YBEY: variants seen among roughly 807,000 people sequenced by gnomAD.
The protein encoded by YBEY is ybeY metalloendoribonuclease, also known as endoribonuclease YbeY.
In YBEY, 15 loss-of-function variants were observed where a neutral mutation model predicts 13.5. The ratio of observed to expected loss-of-function variants is 1.11; its 90% CI spans 0.75 to 1.72. YBEY has a LOEUF of 1.72. Among genes scored for constraint, YBEY ranks in the 40% most tolerant of loss-of-function variants. YBEY has a pLI of 0.00. For synonymous variants in YBEY, 101 were observed against 83.1 expected, an observed-to-expected ratio of 1.21 and a Z score of -1.17; for missense variants, 244 against 208.4, an observed-to-expected ratio of 1.17 and a Z score of -1.05.
At chr21:46,302,474 G>A (rs751853299), downstream of YBEY, 1 of 1,592,772 alleles carries the variant, frequency 6.3e-7, no homozygotes, top group Non-Finnish European at 8.6e-7. Context: ...TCTGCTGGGG[G>A]CTAAGCCTAC....
chr21:46,312,922 A>C, the YBEY span: 1 of 867,022 alleles, frequency 1.2e-6, no homozygotes, highest in Non-Finnish European at 1.4e-6. Context: ...CATGAAAATG[A>C]ACTTTGGTTT....
chr21:46,308,353 C>T, the YBEY span, among the ~76,000 whole-genome samples: 1 of 151,588 alleles, frequency 6.6e-6, no homozygotes, highest in South Asian at 2.1e-4. Flanking sequence ...CCCAGCTGCT[C>T]GGGAGGCTGA....
chr21:46,300,698 T>C, downstream of YBEY: 1 of 1,284,792 alleles, frequency 7.8e-7, no homozygotes, highest in Non-Finnish European at 1.0e-6. Context: ...GTGGCAACTC[T>C]CTGGTCATCC....
At chr21:46,287,321 G>A (rs555460033) in intron 2 of YBEY, among the ~76,000 whole-genome samples, 198 bp downstream of exon 2, 14 of 152,186 alleles carry the variant, frequency 9.2e-5, no homozygotes, top group African/African-American at 2.6e-4. Flanking sequence ...AGCCTCCCCA[G>A]TAGGTGGGAC....
chr21:46,299,345 G>A (rs1447602289), downstream of YBEY, among the ~76,000 whole-genome samples: 1 of 152,140 alleles, frequency 6.6e-6, no homozygotes, highest in African/African-American at 2.4e-5. Flanking sequence ...CCGTGGCCCA[G>A]GCAGCAGCAG....
At chr21:46,299,864 G>A (rs1601614915), downstream of YBEY, among the ~76,000 whole-genome samples, 1 of 152,152 alleles carries the variant, frequency 6.6e-6, no homozygotes, top group Admixed American at 6.6e-5. Flanking sequence ...CCCATTTTCA[G>A]GGCCTGCTCT....
At chr21:46,304,935 C>T in the YBEY span, among the ~76,000 whole-genome samples, 1 of 152,154 alleles carries the variant, frequency 6.6e-6, no homozygotes, top group Non-Finnish European at 1.5e-5. Context: ...TCACACTAAG[C>T]GAAATAAGCC....
chr21:46,296,327 C>T (rs1332146309), intron 4 of YBEY, 97 bp downstream of exon 4: 1 of 1,401,948 alleles, frequency 7.1e-7, no homozygotes, highest in African/African-American at 1.4e-5. Context: ...TGACCGCCCC[C>T]GCAGGAACTG....
chr21:46,289,935 T>TCA (rs149581142), intron 2 of YBEY, among the ~76,000 whole-genome samples: 1 of 64,386 alleles, frequency 1.6e-5, no homozygotes, highest in East Asian at 5.3e-4. Context: ...GGTTGCAGTT[T>TCA]TGTGTGTGTG....
intron 3 of YBEY, among the ~76,000 whole-genome samples, chr21:46,295,385 C>T (rs570442877): frequency 2.6e-5 from 4 of 152,148 alleles, no homozygotes; most frequent in South Asian, 4.1e-4. Flanking sequence ...CTCCCTCTTC[C>T]CTCCACCCAA....
intron 2 of YBEY, among the ~76,000 whole-genome samples, chr21:46,289,624 T>A (rs533907909): frequency 6.4e-4 from 98 of 152,022 alleles, no homozygotes; most frequent in Non-Finnish European, 1.2e-3. Flanking sequence ...TTTTTTTTTT[T>A]TGTATTTTTA....
In YBEY at chr21:46,294,770, A is replaced by AT. The variant is rs926712006; in HGVS notation, c.340-1392_340-1391insT. Among the ~76,000 whole-genome samples, 14 of 101,976 alleles carry AT rather than the reference A, an allele frequency of 1.4e-4. 3 individuals are homozygous for AT. The highest frequency in any genetic ancestry group is 4.2e-4 in the African/African-American group (12 of 28,596). The allele number at this position is 101,976 out of a possible 152,430, so 66.9% of individuals were successfully genotyped here. A position where few individuals can be genotyped will look rare whatever the true frequency, so the allele number is the denominator to read the frequency against. ...AGCAGCTTGATGCCAAAAAAAAAAA[A>AT]AAAAAAGGAAAAGCATTCTGAAAAG... On this transcript the variant is annotated intron_variant, in intron 3 of 4. Transcript: ENST00000397701.
chr21:46,297,002 GAAAA>G (rs1261883249), intron 4 of YBEY, among the ~76,000 whole-genome samples: 1 of 106,184 alleles, frequency 9.4e-6, no homozygotes, highest in African/African-American at 3.6e-5. Flanking sequence ...GTCTCAAAAA[GAAAA>G]AGAAAAAGTT....
the YBEY span, among the ~76,000 whole-genome samples, chr21:46,303,382 A>C: frequency 1.3e-5 from 2 of 151,890 alleles, no homozygotes; most frequent in South Asian, 4.1e-4. Context: ...TACAGACACC[A>C]TGAAGAGAGT....
chr21:46,290,147 T>C (rs1311553780), intron 2 of YBEY, among the ~76,000 whole-genome samples: 4 of 152,212 alleles, frequency 2.6e-5, no homozygotes, highest in Non-Finnish European at 4.4e-5. Context: ...CCCAGCTCTA[T>C]TTGTCAGGTT....
the YBEY span, among the ~76,000 whole-genome samples, chr21:46,304,020 G>GTTTTTT: frequency 4.5e-5 from 2 of 44,566 alleles, no homozygotes; most frequent in East Asian, 5.7e-4. Flanking sequence ...CAAAGTGCTG[G>GTTTTTT]TTTTTTTTTT....
At chr21:46,290,795 C>G (rs2081666440) in intron 2 of YBEY, among the ~76,000 whole-genome samples, 1 of 151,872 alleles carries the variant, frequency 6.6e-6, no homozygotes, top group South Asian at 2.1e-4. Flanking sequence ...CCTGTAATCC[C>G]AGCACTTTCG....
chr21:46,303,362 T>C, the YBEY span, among the ~76,000 whole-genome samples: 1 of 151,238 alleles, frequency 6.6e-6, no homozygotes, highest in Non-Finnish European at 1.5e-5. Context: ...TAATAAAATA[T>C]CTGTTCATCT....
intron 2 of YBEY, among the ~76,000 whole-genome samples, chr21:46,288,374 CAATA>C (rs1488532188): frequency 1.3e-5 from 2 of 152,150 alleles, no homozygotes; most frequent in Non-Finnish European, 2.9e-5. Flanking sequence ...ACACCCAAGA[CAATA>C]AACCAAAAGG....
Sources: gnomAD v4.1 joint callset for allele counts (sites outside exome capture counted in the v4.1 genomes callset) on GRCh38, gnomAD v4.1.1 for gene constraint, MANE v1.5 for transcripts, NCBI Gene and HGNC (gene_info 2026-07-23, HGNC 2026-07-21) for gene names.